The following PLXNA4 variants were observed in gnomAD, a reference collection of about 807,000 sequenced individuals.
PLXNA4 encodes plexin-A4.
PLXNA4 carries 44 observed loss-of-function variants against 191.8 expected under a neutral mutation model. The ratio of observed to expected loss-of-function variants is 0.23; its 90% confidence interval spans 0.18 to 0.29. The LOEUF is 0.29. Among genes scored for constraint, PLXNA4 ranks in the 10% least tolerant of loss-of-function variants. The pLI, the probability that PLXNA4 is intolerant of heterozygous loss-of-function variation, is 1.00. For synonymous variants in PLXNA4, 1,082 were observed against 1,009.5 expected, an observed-to-expected ratio of 1.07 and a Z score of -1.36; for missense variants, 1,800 against 2,488.8, an observed-to-expected ratio of 0.72 and a Z score of 5.89.
rs1459392189 is a variant in PLXNA4 at position 132,130,500 on chromosome 7, G to A, written c.5664C>T (p.Thr1888=). The A allele has an allele frequency of 6.2e-7, 1 of 1,614,176 alleles. No homozygotes were observed. Among genetic ancestry groups the A allele is most frequent in the Non-Finnish European group, 8.5e-7 (1 of 1,180,024 alleles). Residue 1888 remains threonine (T), a synonymous_variant, in exon 32 of 32, where the codon ACC becomes ACT. Transcript: ENST00000321063. ...GTTCTCAGCTGTCTAAGCTCATGAGGGTTATGACTTGTTCTAGTTTGTAGG... is the reference window on the plus strand; with the variant it reads ...GTTCTCAGCTGTCTAAGCTCATGAGAGTTATGACTTGTTCTAGTTTGTAGG... ...KLAYKLEQVI[T]LMSLDS
At chr7:132,341,987 G>A (rs1803047262) in intron 3 of PLXNA4, among the ~76,000 whole-genome samples, 1 of 151,760 alleles carries the variant, frequency 6.6e-6, no homozygotes, top group Non-Finnish European at 1.5e-5. Context: ...TGACACCACT[G>A]CCCCATTTTT....
At chr7:132,454,112 C>T (rs1478720512) in intron 3 of PLXNA4, among the ~76,000 whole-genome samples, 5 of 152,172 alleles carry the variant, frequency 3.3e-5, no homozygotes, top group African/African-American at 1.2e-4. Flanking sequence ...ATGGCAGCAG[C>T]AACAATGCTG....
intron 24 of PLXNA4, among the ~76,000 whole-genome samples, chr7:132,163,016 C>T (rs747659113): frequency 5.3e-5 from 8 of 152,200 alleles, no homozygotes; most frequent in Admixed American, 1.3e-4. Context: ...CTCTCCCGAC[C>T]GCTGCGTTTG....
At chr7:132,409,637 G>T (rs1794369273) in intron 3 of PLXNA4, among the ~76,000 whole-genome samples, 1 of 152,188 alleles carries the variant, frequency 6.6e-6, no homozygotes, top group Non-Finnish European at 1.5e-5. Flanking sequence ...GGAATTCCAT[G>T]ATTTGATAAT....
At chr7:132,497,122 G>GCGCA (rs1554453030) in intron 2 of PLXNA4, among the ~76,000 whole-genome samples, 61 of 150,284 alleles carry the variant, frequency 4.1e-4, no homozygotes, top group East Asian at 5.9e-4. Context: ...GTGCACGCAC[G>GCGCA]CACACACACA....
chr7:132,401,656 G>A (rs1279172713), intron 3 of PLXNA4, among the ~76,000 whole-genome samples: 1 of 152,156 alleles, frequency 6.6e-6, no homozygotes, highest in Non-Finnish European at 1.5e-5. Flanking sequence ...GACGGGAAAG[G>A]GCCCTCTAAG....
chr7:132,165,419 GA>G (rs1362379897), intron 22 of PLXNA4, among the ~76,000 whole-genome samples: 1 of 152,218 alleles, frequency 6.6e-6, no homozygotes, highest in African/African-American at 2.4e-5. Context: ...GCTGGAAGAT[GA>G]CATTTTGGGC....
intron 10 of PLXNA4, among the ~76,000 whole-genome samples, chr7:132,207,735 A>G (rs962786240): frequency 3.9e-5 from 6 of 152,226 alleles, no homozygotes; most frequent in Non-Finnish European, 7.3e-5. Context: ...TTTCTTTGTT[A>G]GATCCCTTGT....
intron 3 of PLXNA4, among the ~76,000 whole-genome samples, chr7:132,348,748 G>A (rs536452743): frequency 6.6e-6 from 1 of 152,320 alleles, no homozygotes; most frequent in Non-Finnish European, 1.5e-5. Flanking sequence ...GACACTAATT[G>A]GTTTAGAAGT....
At chr7:132,424,960 C>T (rs377508150) in intron 3 of PLXNA4, among the ~76,000 whole-genome samples, 1 of 152,320 alleles carries the variant, frequency 6.6e-6, no homozygotes, top group East Asian at 1.9e-4. Context: ...GTCAGCATCA[C>T]GGCACCTGGG....
At chr7:132,228,979 G>A (rs1281866276) in intron 5 of PLXNA4, among the ~76,000 whole-genome samples, 3 of 152,154 alleles carry the variant, frequency 2.0e-5, no homozygotes, top group Non-Finnish European at 2.9e-5. Flanking sequence ...CCTAGGCAAA[G>A]TGAAGAGCTT....
intron 2 of PLXNA4, among the ~76,000 whole-genome samples, chr7:132,617,413 C>G (rs574356251): frequency 1.4e-4 from 21 of 152,290 alleles, no homozygotes; most frequent in African/African-American, 4.8e-4. Context: ...CATCCCTGAA[C>G]CCTGGGCTAC....
At chr7:132,332,330 T>G (rs1420481458) in intron 3 of PLXNA4, among the ~76,000 whole-genome samples, 1 of 152,328 alleles carries the variant, frequency 6.6e-6, no homozygotes, top group Middle Eastern at 3.4e-3. Flanking sequence ...TCAGTGTGCT[T>G]CTTCTCCCCC....
chr7:132,222,890 G>A (rs532808618), intron 9 of PLXNA4, among the ~76,000 whole-genome samples: 2 of 152,280 alleles, frequency 1.3e-5, no homozygotes, highest in East Asian at 1.9e-4. Flanking sequence ...AACCTGGACC[G>A]AGCATCAGAG....
chr7:132,635,628 C>T (rs915606292), intron 2 of PLXNA4, among the ~76,000 whole-genome samples: 2 of 152,284 alleles, frequency 1.3e-5, no homozygotes, highest in African/African-American at 4.8e-5. Flanking sequence ...CTCCCCAGGA[C>T]GGGCTCTTTC....
intron 1 of PLXNA4, among the ~76,000 whole-genome samples, chr7:132,562,336 TCCTC>T (rs1801217204): frequency 9.3e-6 from 1 of 107,292 alleles, no homozygotes; most frequent in Admixed American, 9.0e-5. Context: ...CTCTCTCTCC[TCCTC>T]CTTCTTCTCC....
chr7:132,604,484 GA>G, intron 2 of PLXNA4, among the ~76,000 whole-genome samples: 1 of 152,302 alleles, frequency 6.6e-6, no homozygotes, highest in East Asian at 1.9e-4. Context: ...TCTGTCTCGT[GA>G]AAAGTAGCTT....
chr7:132,207,584 C>G (rs115346200), intron 10 of PLXNA4, among the ~76,000 whole-genome samples: 1 of 152,352 alleles, frequency 6.6e-6, no homozygotes, highest in African/African-American at 2.4e-5. Context: ...GGCTCAAGGC[C>G]TGTCCCCGCA....
chr7:132,630,198 C>T (rs933968024), intron 2 of PLXNA4, among the ~76,000 whole-genome samples: 2 of 152,086 alleles, frequency 1.3e-5, no homozygotes, highest in African/African-American at 4.8e-5. Context: ...TAGGACCATG[C>T]CCTTATGACC....
Sources: allele counts gnomAD v4.1 joint callset (sites outside exome capture counted in the v4.1 genomes callset), GRCh38; gene constraint gnomAD v4.1.1; transcripts MANE v1.5; gene names NCBI Gene and HGNC (gene_info 2026-07-23, HGNC 2026-07-21).